Variants in AP2A2 observed in about 807,000 individuals in gnomAD.
AP2A2 encodes the protein AP-2 complex subunit alpha-2.
Under a neutral mutation model 104.2 loss-of-function variants are expected in AP2A2, and 32 were observed. The observed-to-expected ratio is 0.31, with a 90% CI of 0.23 to 0.41. The LOEUF (loss-of-function observed/expected upper bound fraction) is 0.41, where lower values mean the gene tolerates loss of function less well. Among genes scored for constraint, AP2A2 ranks in the 10% least tolerant of loss-of-function variants. The pLI is 1.00. For missense variants in AP2A2, 912 were observed against 1,261.0 expected (o/e 0.72, Z 4.19); for synonymous variants, 539 against 533.3 (o/e 1.01, Z -0.15).
intron 1 of AP2A2, among the ~76,000 whole-genome samples, chr11:926,521 C>G (rs1368041565): frequency 6.6e-6 from 1 of 152,124 alleles, no homozygotes; most frequent in African/African-American, 2.4e-5. Flanking sequence ...CCAAGACGCC[C>G]CTCCCCAGCA....
chr11:937,065 G>T (rs1339129372), intron 1 of AP2A2, among the ~76,000 whole-genome samples: 1 of 152,044 alleles, frequency 6.6e-6, no homozygotes, highest in Non-Finnish European at 1.5e-5. Context: ...CTGTCGCCCA[G>T]GCTGGAGTGC....
intron 6 of AP2A2, among the ~76,000 whole-genome samples, chr11:983,699 G>A (rs553234301): frequency 8.1e-4 from 124 of 152,272 alleles, no homozygotes; most frequent in African/African-American, 2.9e-3. Context: ...CTTTTTAAAC[G>A]CTTGAGATGA....
At chr11:981,384 A>G (rs1855234973) in intron 6 of AP2A2, 85 bp downstream of exon 6, 2 of 1,188,396 alleles carry the variant, frequency 1.7e-6, no homozygotes, top group Admixed American at 2.2e-5. Flanking sequence ...AATGCAAGGT[A>G]TTTGATCAGT....
chr11:978,441 A>G (rs1300904591), intron 5 of AP2A2, among the ~76,000 whole-genome samples: 2 of 152,280 alleles, frequency 1.3e-5, no homozygotes, highest in East Asian at 3.9e-4. Context: ...TGGATACTTT[A>G]TGATTCTGTG....
rs745994070 is a variant in AP2A2, at chr11:1,006,508, A to G, written c.2207-20A>G. ...AGTGTGAAATGGTGTGTGTGAAAAA[A>G]TTGTTTTTGTTCCTTCTAGGTCGGA... On this transcript the variant is annotated intron_variant, in intron 16 of 21. Transcript: ENST00000448903. 3.5e-5 allele frequency: 55 copies of G among 1,582,324 alleles called. No homozygotes were observed. The highest frequency in any genetic ancestry group is 6.9e-6 in the Non-Finnish European group (8 of 1,154,356).
At chr11:973,695 G>C (rs1461002007) in intron 4 of AP2A2, among the ~76,000 whole-genome samples, 1 of 152,152 alleles carries the variant, frequency 6.6e-6, no homozygotes. Flanking sequence ...GGAGAGGGAG[G>C]GTGGGGCTGG....
intron 1 of AP2A2, among the ~76,000 whole-genome samples, chr11:935,546 C>G (rs1353211355): frequency 6.6e-6 from 1 of 150,810 alleles, no homozygotes; most frequent in East Asian, 2.0e-4. Context: ...AAGTGATGCG[C>G]CTGCCTTGGG....
intron 1 of AP2A2, among the ~76,000 whole-genome samples, chr11:927,555 C>G (rs1345877720): frequency 6.6e-6 from 1 of 150,702 alleles, no homozygotes; most frequent in Non-Finnish European, 1.5e-5. Flanking sequence ...GTGGCTCAAA[C>G]CTATAGTCCC....
chr11:941,898 A>T (rs1853662102), intron 1 of AP2A2, among the ~76,000 whole-genome samples: 1 of 149,678 alleles, frequency 6.7e-6, no homozygotes, highest in African/African-American at 2.5e-5. Context: ...CTCATGCTTA[A>T]ATGAAGTAGT....
At position 1,010,809 on chromosome 11, in the gene AP2A2, A is replaced by AT. The variant is rs1475533476; in HGVS notation, c.*184_*185insT. ...GAACACACGTGTGTGGCTCAGGAGG[A>AT]AAAGCTCAGCCTGGACTGTGGCAGC... On this transcript the variant is annotated 3_prime_UTR_variant, in exon 22 of 22. Transcript: ENST00000448903. The AT allele has an allele frequency of 2.2e-5, 15 of 669,724 alleles. No individual in the cohort carries two copies. The Admixed American group carries it at 3.0e-4, about 13-fold the overall frequency. The allele number at this position is 669,724 out of a possible 1,614,324, so 41.5% of individuals were successfully genotyped here. A position where few individuals can be genotyped will look rare whatever the true frequency, so the allele number is the denominator to read the frequency against.
At chr11:936,094 A>T (rs1206560370) in intron 1 of AP2A2, among the ~76,000 whole-genome samples, 8 of 142,124 alleles carry the variant, frequency 5.6e-5, no homozygotes, top group African/African-American at 2.1e-4. Flanking sequence ...TTTTTAGTAG[A>T]GATGGGGTTT....
In AP2A2 at chr11:987,542, C is replaced by G. The variant is rs563746938; in HGVS notation, c.1131+589C>G. ...TGGCGGCCGGTGCCTGTAGTCCCAG[C>G]TACTCAGGAGGCTCAGGCAGAAGAA... On this transcript the variant is annotated intron_variant, in intron 9 of 21. Coordinates refer to ENST00000448903, the MANE Select transcript of AP2A2 (RefSeq NM_012305.4). Among the ~76,000 whole-genome samples the G allele has an allele frequency of 2.0e-5, 3 of 152,122 alleles. No homozygotes were observed. In the East Asian group the frequency reaches 5.8e-4, roughly 30 times the overall value.
chr11:976,993 C>A lies in AP2A2; in HGVS notation c.474-102C>A. On this transcript the variant is annotated intron_variant, in intron 4 of 21. Transcript: ENST00000448903. ...CTGAGTGCTGTCTTGGCCCCTGCGC[C>A]AGCCCCACCCCCGCGTCTCCTGCTG... 2.0e-6 allele frequency: 3 copies of A among 1,523,820 alleles called. 1 individual carries two copies. The South Asian group carries it at 3.6e-5, about 18-fold the overall frequency. 94.4% of individuals were successfully genotyped at this position (1,523,820 alleles called of 1,614,324 possible).
chr11:985,460 T>C lies in AP2A2; in HGVS notation c.840T>C (p.Thr280=). Residue 280 remains threonine, a synonymous_variant, in exon 8 of 22, where the codon ACT becomes ACC. Transcript: ENST00000448903. ...ACCCTGCAGTGCGAGGCCGCCTGAC[T>C]GAGTGCCTGGAGACCATCCTGAACA... ...PPDPAVRGRL[T]ECLETILNKA... The C allele has an allele frequency of 1.2e-6, 2 of 1,613,958 alleles. No homozygotes were observed. Among genetic ancestry groups the C allele is most frequent in the Non-Finnish European group, 1.7e-6 (2 of 1,179,870 alleles).
At chr11:976,209 G>A (rs1037556510) in intron 4 of AP2A2, among the ~76,000 whole-genome samples, 1 of 152,190 alleles carries the variant, frequency 6.6e-6, no homozygotes, top group Non-Finnish European at 1.5e-5. Context: ...GGGGTGGGCC[G>A]GAAGAGGGAC....
At chr11:979,281 G>A (rs1444610377) in intron 5 of AP2A2, among the ~76,000 whole-genome samples, 2 of 150,672 alleles carry the variant, frequency 1.3e-5, no homozygotes, top group East Asian at 1.9e-4. Flanking sequence ...CAGGAGCCCC[G>A]TGGGGAATGA....
intron 1 of AP2A2, among the ~76,000 whole-genome samples, chr11:934,099 G>C (rs1164794607): frequency 3.3e-5 from 5 of 151,926 alleles, no homozygotes; most frequent in Admixed American, 6.6e-5. Flanking sequence ...TGACTCCCAT[G>C]CTAGGTTCTT....
chr11:939,479 C>A (rs1277806440), intron 1 of AP2A2, among the ~76,000 whole-genome samples: 1 of 151,916 alleles, frequency 6.6e-6, no homozygotes, highest in Non-Finnish European at 1.5e-5. Context: ...GGGTTTCGCT[C>A]TGTTGCCCAG....
rs902079182 is a variant in AP2A2 at position 951,925 on chromosome 11, G to A, written c.68-7512G>A. Among the ~76,000 whole-genome samples the A allele has an allele frequency of 2.7e-5, 3 of 110,374 alleles. No individual in the cohort carries two copies. The South Asian group carries it at 7.0e-4, about 26-fold the overall frequency. The allele number at this position is 110,374 out of a possible 152,430, so 72.4% of individuals were successfully genotyped here. On this transcript the variant is annotated intron_variant, in intron 1 of 21. Coordinates refer to ENST00000448903, the MANE Select transcript of AP2A2 (RefSeq NM_012305.4). ...CTTGTTGCCTAGGCTGGAGTACAGC[G>A]ATGTCTGTCCTGGCTCACTGGAGTG...
Sources: allele counts gnomAD v4.1 joint callset (sites outside exome capture counted in the v4.1 genomes callset), GRCh38; gene constraint gnomAD v4.1.1; transcripts MANE v1.5; gene names NCBI Gene and HGNC (gene_info 2026-07-23, HGNC 2026-07-21).